The following MICU3 variants were observed in gnomAD, a reference collection of about 807,000 sequenced individuals.
MICU3 encodes the protein calcium uptake protein 3, mitochondrial.
Under a neutral mutation model 66.5 loss-of-function variants are expected in MICU3, and 62 were observed. That is an observed-to-expected ratio of 0.93 (90% CI 0.76 to 1.15). The LOEUF is 1.15. Among genes scored for constraint, MICU3 ranks in the 50% most tolerant of loss-of-function variants. The probability of loss-of-function intolerance (pLI) is 0.00; values close to 1 mark genes in which losing one functional copy is unlikely to be tolerated. For missense variants in MICU3, 779 were observed against 664.4 expected (o/e 1.17, Z -1.90); for synonymous variants, 308 against 240.7 (o/e 1.28, Z -2.59).
At chr8:17,111,006 GAC>G (rs1168271980) in intron 11 of MICU3, among the ~76,000 whole-genome samples, 23 of 152,048 alleles carry the variant, frequency 1.5e-4, no homozygotes, top group Admixed American at 1.5e-3. Flanking sequence ...TCCTTCCATA[GAC>G]ATTTGGGCGA....
At chr8:17,044,894 A>C (rs1226855534) in intron 1 of MICU3, among the ~76,000 whole-genome samples, 1 of 152,202 alleles carries the variant, frequency 6.6e-6, no homozygotes, top group African/African-American at 2.4e-5. Flanking sequence ...AGCTAAGGGA[A>C]CACGTTTTAA....
chr8:17,062,076 G>T (rs918576048), intron 1 of MICU3, among the ~76,000 whole-genome samples: 2 of 152,050 alleles, frequency 1.3e-5, no homozygotes, highest in African/African-American at 4.8e-5. Context: ...TAAACTCCGG[G>T]GCTTTAGTCT....
chr8:17,105,861 T>A (rs1228737493), intron 11 of MICU3, among the ~76,000 whole-genome samples: 2 of 152,050 alleles, frequency 1.3e-5, no homozygotes, highest in Non-Finnish European at 2.9e-5. Context: ...TCAGGAGAAT[T>A]CCACTTAGCT....
intron 7 of MICU3, among the ~76,000 whole-genome samples, chr8:17,087,888 G>T (rs1331626991): frequency 6.6e-6 from 1 of 152,012 alleles, no homozygotes; most frequent in East Asian, 1.9e-4. Context: ...AGTGAATTTT[G>T]TTGGCATGTA....
intron 1 of MICU3, among the ~76,000 whole-genome samples, chr8:17,034,862 C>A (rs1199404132): frequency 6.6e-6 from 1 of 152,294 alleles, no homozygotes; most frequent in Middle Eastern, 3.4e-3. Flanking sequence ...GAAATGACAA[C>A]AAAGATTTGG....
At chr8:17,096,489 G>A (rs574363292) in intron 8 of MICU3, among the ~76,000 whole-genome samples, 5 of 151,914 alleles carry the variant, frequency 3.3e-5, no homozygotes, top group African/African-American at 7.2e-5. Context: ...TACATATATA[G>A]GAATCAGTGA....
chr8:17,066,543 A>ATATATATATATATATATATATAT (rs1554518403), intron 2 of MICU3, among the ~76,000 whole-genome samples: 2 of 104,892 alleles, frequency 1.9e-5, no homozygotes, highest in African/African-American at 9.0e-5. Flanking sequence ...ATATATATAG[A>ATATATATATATATATATATATAT]TTTTTTTTTT....
At chr8:17,112,997 T>C (rs921704006) in intron 11 of MICU3, among the ~76,000 whole-genome samples, 4 of 152,176 alleles carry the variant, frequency 2.6e-5, no homozygotes, top group Non-Finnish European at 5.9e-5. Flanking sequence ...TGGTCATAAA[T>C]GATCAATGTA....
intron 1 of MICU3, among the ~76,000 whole-genome samples, chr8:17,061,707 A>G (rs535289651): frequency 1.3e-5 from 2 of 152,256 alleles, no homozygotes; most frequent in Non-Finnish European, 2.9e-5. Flanking sequence ...TGGCCTAGCA[A>G]GAAAAAAGTA....
chr8:17,034,894 A>G (rs1812713580), intron 1 of MICU3, among the ~76,000 whole-genome samples: 1 of 152,250 alleles, frequency 6.6e-6, no homozygotes, highest in African/African-American at 2.4e-5. Flanking sequence ...AGCTTATTTG[A>G]TAGAGCAGTG....
intron 8 of MICU3, among the ~76,000 whole-genome samples, chr8:17,091,116 A>T (rs1258453666): frequency 1.3e-5 from 2 of 152,034 alleles, no homozygotes; most frequent in Non-Finnish European, 2.9e-5. Flanking sequence ...GATATGTTAT[A>T]TCAGTTTATC....
chr8:17,099,416 C>A (rs1207961223), intron 9 of MICU3, among the ~76,000 whole-genome samples: 1 of 151,722 alleles, frequency 6.6e-6, no homozygotes, highest in African/African-American at 2.4e-5. Flanking sequence ...GAGAAGTAAA[C>A]TGGAATCAGT....
At chr8:17,116,821 A>T (rs868090359) in intron 13 of MICU3, among the ~76,000 whole-genome samples, 1 of 152,176 alleles carries the variant, frequency 6.6e-6, no homozygotes, top group Non-Finnish European at 1.5e-5. Flanking sequence ...ACCTTATAAT[A>T]ATTTATTTTC....
intron 1 of MICU3, among the ~76,000 whole-genome samples, chr8:17,041,209 A>G (rs906688792): frequency 6.6e-6 from 1 of 152,084 alleles, no homozygotes; most frequent in Admixed American, 6.6e-5. Context: ...AGCATCCATT[A>G]CTTAAAGGAC....
intron 3 of MICU3, 37 bp downstream of exon 3, chr8:17,069,756 A>T (rs762526712): frequency 2.9e-6 from 3 of 1,049,108 alleles, no homozygotes; most frequent in Non-Finnish European, 4.2e-6. Flanking sequence ...CACAAATTTT[A>T]TATGTGCATG....
chr8:17,118,168 T>G (rs1802866115), intron 13 of MICU3, among the ~76,000 whole-genome samples: 1 of 152,216 alleles, frequency 6.6e-6, no homozygotes, highest in Non-Finnish European at 1.5e-5. Flanking sequence ...TAAAGTACGC[T>G]AGAAACGTTT....
intron 1 of MICU3, among the ~76,000 whole-genome samples, chr8:17,050,007 A>G (rs973164613): frequency 6.6e-6 from 1 of 152,086 alleles, no homozygotes; most frequent in Admixed American, 6.5e-5. Context: ...GTCACAAACT[A>G]TTCCATGGGT....
chr8:17,114,971 T>G (rs570734006), intron 12 of MICU3, among the ~76,000 whole-genome samples: 7 of 151,558 alleles, frequency 4.6e-5, no homozygotes, highest in South Asian at 4.2e-4. Context: ...TACAAAAAAT[T>G]AGCCGGGCGT....
chr8:17,085,214 C>A (rs1253633671), intron 5 of MICU3, 22 bp from the exon 6 acceptor site: 1 of 1,548,384 alleles, frequency 6.5e-7, no homozygotes. Flanking sequence ...TTTGTGAATA[C>A]CTTCTCTGTT....
Sources: allele counts gnomAD v4.1 joint callset (sites outside exome capture counted in the v4.1 genomes callset), GRCh38; gene constraint gnomAD v4.1.1; transcripts MANE v1.5; gene names NCBI Gene and HGNC (gene_info 2026-07-23, HGNC 2026-07-21).